The following LRMDA variants were observed in gnomAD, a reference collection of about 807,000 sequenced individuals.
LRMDA encodes the protein leucine rich melanocyte differentiation associated, also known as leucine-rich melanocyte differentiation-associated protein.
LRMDA carries 18 observed loss-of-function variants against 29.8 expected under a neutral mutation model. The ratio of observed to expected loss-of-function variants is 0.60; its 90% CI spans 0.42 to 0.90. The LOEUF (loss-of-function observed/expected upper bound fraction) is 0.90, where lower values mean the gene tolerates loss of function less well. Among genes scored for constraint, LRMDA ranks in the 40% least tolerant of loss-of-function variants. The pLI, the probability that LRMDA is intolerant of heterozygous loss-of-function variation, is 0.00. For missense variants in LRMDA, 273 were observed against 273.9 expected (o/e 1.00, Z 0.02); for synonymous variants, 125 against 109.4 (o/e 1.14, Z -0.89).
rs1050366100 is a variant in LRMDA at position 75,949,651 on chromosome 10, A to G, written c.132-86357A>G. On this transcript the variant is annotated intron_variant, in intron 2 of 6. Coordinates refer to ENST00000611255, the MANE Select transcript of LRMDA (RefSeq NM_001305581.2). ...AATGAAGGGTCCCTGGGAAGCCCCA[A>G]TATTATGCTTCTCTCCTTGGGCACC... is the stretch of plus-strand genomic sequence containing the variant. Among the ~76,000 whole-genome samples, 3 of 152,164 alleles carry G rather than the reference A, an allele frequency of 2.0e-5. No homozygotes were observed. The South Asian group carries it at 6.2e-4, about 32-fold the overall frequency.
chr10:75,783,532 G>C (rs953204793), intron 2 of LRMDA, among the ~76,000 whole-genome samples: 6 of 151,884 alleles, frequency 4.0e-5, no homozygotes, highest in African/African-American at 1.5e-4. Flanking sequence ...GGTTTTATAG[G>C]ATAGGGTATC....
intron 2 of LRMDA, among the ~76,000 whole-genome samples, chr10:75,791,192 G>T (rs569772413): frequency 2.6e-4 from 39 of 152,268 alleles, no homozygotes; most frequent in Non-Finnish European, 3.4e-4. Context: ...TCCTGTAGCC[G>T]CATATGAATA....
At chr10:75,587,078 G>A (rs1162353510) in intron 2 of LRMDA, among the ~76,000 whole-genome samples, 1 of 151,966 alleles carries the variant, frequency 6.6e-6, no homozygotes, top group East Asian at 1.9e-4. Flanking sequence ...CCTTTCCTCG[G>A]TGTTTTCTTC....
intron 5 of LRMDA, among the ~76,000 whole-genome samples, chr10:76,137,887 A>C (rs1410670268): frequency 2.0e-5 from 3 of 152,088 alleles, no homozygotes; most frequent in African/African-American, 7.2e-5. Flanking sequence ...GGGATCCATC[A>C]ACATCCCAGG....
intron 2 of LRMDA, among the ~76,000 whole-genome samples, chr10:75,697,009 A>G (rs1043638269): frequency 2.6e-5 from 4 of 152,040 alleles, no homozygotes; most frequent in African/African-American, 7.2e-5. Context: ...CTGCAGATTC[A>G]CTTGATTCTT....
At chr10:75,982,623 C>A (rs987225847) in intron 2 of LRMDA, among the ~76,000 whole-genome samples, 1 of 152,128 alleles carries the variant, frequency 6.6e-6, no homozygotes, top group African/African-American at 2.4e-5. Flanking sequence ...ATGATTTTAG[C>A]TTATTTGTTA....
chr10:75,816,907 G>A (rs1369572279), intron 2 of LRMDA, among the ~76,000 whole-genome samples: 1 of 152,142 alleles, frequency 6.6e-6, no homozygotes, highest in Non-Finnish European at 1.5e-5. Flanking sequence ...TGCTGTCATA[G>A]GTTCAAGGGC....
At chr10:75,712,397 G>C (rs1842446465) in intron 2 of LRMDA, among the ~76,000 whole-genome samples, 1 of 144,670 alleles carries the variant, frequency 6.9e-6, no homozygotes, top group Non-Finnish European at 1.5e-5. Flanking sequence ...TCCGTCAGCA[G>C]ATCGCGGATC....
At chr10:76,000,988 G>T (rs1832530474) in intron 2 of LRMDA, among the ~76,000 whole-genome samples, 1 of 152,090 alleles carries the variant, frequency 6.6e-6, no homozygotes, top group African/African-American at 2.4e-5. Context: ...TGTGTGCCAG[G>T]CACAGTTCTA....
chr10:75,797,729 C>T (rs75160293), intron 2 of LRMDA, among the ~76,000 whole-genome samples: 10,727 of 152,184 alleles, frequency 0.07, 512 homozygotes, highest in Non-Finnish European at 0.1. Flanking sequence ...GTATTCTGTT[C>T]GCTTTTATTG....
At chr10:75,791,278 T>C (rs1843560130) in intron 2 of LRMDA, among the ~76,000 whole-genome samples, 1 of 152,220 alleles carries the variant, frequency 6.6e-6, no homozygotes, top group African/African-American at 2.4e-5. Flanking sequence ...AAATTATTGT[T>C]AATTCCACCC....
chr10:75,712,439 G>A (rs1842447232), intron 2 of LRMDA, among the ~76,000 whole-genome samples: 1 of 151,952 alleles, frequency 6.6e-6, no homozygotes, highest in Non-Finnish European at 1.5e-5. Context: ...GGGCGGGTGG[G>A]GGCGGTTGGG....
At chr10:76,476,301 A>C (rs767269152) in intron 6 of LRMDA, among the ~76,000 whole-genome samples, 1 of 152,200 alleles carries the variant, frequency 6.6e-6, no homozygotes, top group Non-Finnish European at 1.5e-5. Flanking sequence ...AAAATCTAGA[A>C]GAACTGGATA....
chr10:76,464,853 G>A (rs2132311632), intron 6 of LRMDA: 1 of 152,268 alleles, frequency 6.6e-6, no homozygotes, highest in South Asian at 2.1e-4. Context: ...ACATATGCTT[G>A]ATTATATGAT....
chr10:76,049,958 C>G (rs1247531127), intron 4 of LRMDA, among the ~76,000 whole-genome samples: 1 of 152,076 alleles, frequency 6.6e-6, no homozygotes, highest in Non-Finnish European at 1.5e-5. Flanking sequence ...AATATGTCTT[C>G]TATTAATCAT....
chr10:76,370,933 C>T (rs917685482), intron 6 of LRMDA, among the ~76,000 whole-genome samples: 1 of 152,020 alleles, frequency 6.6e-6, no homozygotes, highest in Non-Finnish European at 1.5e-5. Context: ...CCTCTACAGA[C>T]AAAGGGGGAC....
intron 6 of LRMDA, among the ~76,000 whole-genome samples, chr10:76,537,524 T>C (rs1382950710): frequency 6.6e-6 from 1 of 152,216 alleles, no homozygotes; most frequent in Admixed American, 6.5e-5. Context: ...TTTTGTTTTC[T>C]TGCCTTTTCC....
At chr10:75,570,008 G>A (rs1052782105) in intron 2 of LRMDA, among the ~76,000 whole-genome samples, 11 of 152,192 alleles carry the variant, frequency 7.2e-5, no homozygotes, top group Non-Finnish European at 1.6e-4. Context: ...TTGCTTTGGG[G>A]TGTACACAGT....
At chr10:76,206,216 C>G (rs1360147825) in intron 5 of LRMDA, among the ~76,000 whole-genome samples, 2 of 152,134 alleles carry the variant, frequency 1.3e-5, no homozygotes, top group East Asian at 3.9e-4. Context: ...CCACCCTGAC[C>G]CTCTCACTGT....
Sources: gnomAD v4.1 joint callset for allele counts (sites outside exome capture counted in the v4.1 genomes callset) on GRCh38, gnomAD v4.1.1 for gene constraint, MANE v1.5 for transcripts, NCBI Gene and HGNC (gene_info 2026-07-23, HGNC 2026-07-21) for gene names.